The following MTMR9 variants were observed in gnomAD, a reference collection of about 807,000 sequenced individuals.
MTMR9 encodes the protein myotubularin-related protein 9.
Under a neutral mutation model 69.5 loss-of-function variants are expected in MTMR9, and 39 were observed. The ratio of observed to expected loss-of-function variants is 0.56; its 90% CI spans 0.43 to 0.73. MTMR9 has a LOEUF of 0.73. MTMR9 is among the 30% of genes least tolerant of loss of function. The pLI is 0.00. For missense variants in MTMR9, 900 were observed against 671.2 expected (o/e 1.34, Z -3.77); for synonymous variants, 354 against 240.8 (o/e 1.47, Z -4.35).
At chr8:11,299,978 G>A (rs760676124) in intron 2 of MTMR9, 45 bp from the exon 3 acceptor site, 3 of 1,594,108 alleles carry the variant, frequency 1.9e-6, no homozygotes, top group Non-Finnish European at 2.6e-6. Flanking sequence ...TATGTTTCCA[G>A]TTGTGGATGT....
rs147674248 is a variant in MTMR9, at chr8:11,304,885, C to T, written c.462C>T (p.Val154=). 1.9e-6 allele frequency: 3 copies of T among 1,614,002 alleles called. No homozygotes were observed. Among genetic ancestry groups the T allele is most frequent in the African/African-American group, 2.7e-5 (2 of 74,922 alleles). ...RLSYVNKEFA[V]CPSYPPIVTV... Reference sequence around the variant, plus strand: ...GCTATGTCAATAAGGAATTTGCTGTCTGTCCCTCTTACCCACCAATTGTCA... The same window carrying T: ...GCTATGTCAATAAGGAATTTGCTGTTTGTCCCTCTTACCCACCAATTGTCA... Residue 154 remains valine (V), a synonymous_variant, in exon 4 of 10, where the codon GTC becomes GTT. Transcript: ENST00000221086.
chr8:11,329,165 A>G (rs2736265), downstream of MTMR9, among the ~76,000 whole-genome samples: 86,114 of 152,140 alleles, frequency 0.57, 25,036 homozygotes, highest in East Asian at 0.87. Flanking sequence ...AGGCTGAGGC[A>G]GGAGGATCAC....
rs1800869685 is a variant in MTMR9 at position 11,325,080 on chromosome 8, A to G, written c.*2292A>G. 6.6e-6 allele frequency: 1 copy of G among 152,246 alleles called. No individual in the cohort carries two copies. Among genetic ancestry groups the G allele is most frequent in the Non-Finnish European group, 1.5e-5 (1 of 68,050 alleles). 9.4% of individuals were successfully genotyped at this position (152,246 alleles called of 1,614,324 possible). A position where few individuals can be genotyped will look rare whatever the true frequency, so the allele number is the denominator to read the frequency against. On this transcript the variant is annotated 3_prime_UTR_variant, in exon 10 of 10. Coordinates refer to ENST00000221086, the MANE Select transcript of MTMR9 (RefSeq NM_015458.4). ...TTTTCTCTGTCTCACTGAGACAACAATCTATACTGTTTTGGCAAGTTTGCA... is the reference window on the plus strand; with the variant it reads ...TTTTCTCTGTCTCACTGAGACAACAGTCTATACTGTTTTGGCAAGTTTGCA...
At chr8:11,297,817 C>T (rs574137223) in intron 2 of MTMR9, 5 of 454,940 alleles carry the variant, frequency 1.1e-5, no homozygotes, top group South Asian at 6.2e-5. Context: ...CATTTGACCT[C>T]AGAAAATGAA....
chr8:11,331,331 T>C, downstream of MTMR9: 2 of 1,613,980 alleles, frequency 1.2e-6, no homozygotes, highest in South Asian at 2.2e-5. Flanking sequence ...TGCTCATCTG[T>C]CGATGCCTCT....
chr8:11,309,737 G>C (rs1238622330), intron 6 of MTMR9, 49 bp downstream of exon 6: 2 of 1,592,056 alleles, frequency 1.3e-6, no homozygotes, highest in African/African-American at 1.3e-5. Context: ...CTGCTAACTA[G>C]ACTTTGTGTT....
chr8:11,318,282 C>G (rs943025172), intron 8 of MTMR9: 3 of 152,302 alleles, frequency 2.0e-5, no homozygotes, highest in Non-Finnish European at 4.4e-5. Flanking sequence ...CAGTGGTTGG[C>G]CGGCCATGGG....
At chr8:11,289,176 A>G (rs1250171854) in intron 1 of MTMR9, among the ~76,000 whole-genome samples, 2 of 151,966 alleles carry the variant, frequency 1.3e-5, no homozygotes, top group Non-Finnish European at 2.9e-5. Context: ...CTGTCTCAAA[A>G]CAAACAAACA....
chr8:11,299,777 CT>C (rs201610615), intron 2 of MTMR9, among the ~76,000 whole-genome samples: 22 of 151,890 alleles, frequency 1.4e-4, no homozygotes, highest in Admixed American at 7.9e-4. Flanking sequence ...TTTTTTTGTT[CT>C]TTTTTTCATC....
downstream of MTMR9, chr8:11,331,174 C>G (rs757198339): frequency 6.2e-6 from 10 of 1,613,322 alleles, no homozygotes; most frequent in African/African-American, 1.3e-5. Context: ...TCCGCTCCAC[C>G]CAGCCTCCGC....
At chr8:11,303,243 G>A (rs10503420) in intron 3 of MTMR9, among the ~76,000 whole-genome samples, 12,209 of 149,804 alleles carry the variant, frequency 0.081, 654 homozygotes, top group Middle Eastern at 0.22. Flanking sequence ...GGACAAGTGC[G>A]ACGGGATGGA....
At chr8:11,305,833 A>G (rs1799919272) in intron 4 of MTMR9, among the ~76,000 whole-genome samples, 1 of 152,178 alleles carries the variant, frequency 6.6e-6, no homozygotes, top group African/African-American at 2.4e-5. Flanking sequence ...ATGTATGTTT[A>G]GTTGAAGTCA....
chr8:11,290,993 T>C (rs1179458095), intron 1 of MTMR9, among the ~76,000 whole-genome samples: 2 of 152,016 alleles, frequency 1.3e-5, no homozygotes, highest in Non-Finnish European at 2.9e-5. Flanking sequence ...CAAAGGCAGT[T>C]GCAAAAATTG....
chr8:11,300,259 A>T (rs914113026), intron 3 of MTMR9, 111 bp downstream of exon 3: 2 of 1,154,848 alleles, frequency 1.7e-6, no homozygotes, highest in East Asian at 2.5e-5. Flanking sequence ...TGACTTATCC[A>T]TTCCTAATCT....
Position 11,304,842 on chromosome 8 carries a change from C to T in MTMR9, c.419C>T (p.Thr140Ile), listed in dbSNP as rs1230019461. The T allele has an allele frequency of 1.9e-6, 3 of 1,613,084 alleles. No homozygotes were observed. The highest frequency in any genetic ancestry group is 2.5e-6 in the Non-Finnish European group (3 of 1,179,562). ...EQEFELYSSA[T>I]SEWRLSYVNK... ...TTTGAAGTATTTTGTGTTTTTCAGA[C>T]CAGTGAATGGAGGCTAAGCTATGTC... Residue 140 changes from threonine (T) to isoleucine (I), a missense_variant and splice_region_variant, in exon 4 of 10, where the codon ACC becomes ATC. Thr to Ile is a moderately conservative substitution (Grantham distance 89, BLOSUM62 -1). Transcript: ENST00000221086.
At chr8:11,300,945 A>G (rs1008090798) in intron 3 of MTMR9, among the ~76,000 whole-genome samples, 5 of 152,204 alleles carry the variant, frequency 3.3e-5, no homozygotes, top group East Asian at 3.9e-4. Context: ...TTTGCAGGTC[A>G]TGTGGTCTCT....
Position 11,322,768 on chromosome 8 carries a change from G to A in MTMR9, c.1630G>A (p.Gly544Arg), listed in dbSNP as rs756293842. The A allele has an allele frequency of 1.2e-5, 20 of 1,613,814 alleles. No homozygotes were observed. The Middle Eastern group carries it at 4.9e-4, about 40-fold the overall frequency. Residue 544 changes from glycine to arginine, a missense_variant, in exon 10 of 10, where the codon GGG becomes AGG. By Grantham distance (125) the Gly-to-Arg change is moderately radical (BLOSUM62 -2). Transcript: ENST00000221086. The stretch of plus-strand genomic sequence containing the variant: ...GTTGGCAGAACTGGAAACAGAGGAC[G>A]GGATGCAGGAGAGTCCCTGAAAGGT... The part of the protein sequence containing the change: ...RQLAELETED[G>R]MQESP
Position 11,324,052 on chromosome 8 carries a change from AT to A in MTMR9, c.*1265del, listed in dbSNP as rs1800813351. 1 of 152,200 alleles carries A rather than the reference AT, an allele frequency of 6.6e-6. No homozygotes were observed. Among genetic ancestry groups the A allele is most frequent in the Non-Finnish European group, 1.5e-5 (1 of 68,042 alleles). 9.4% of individuals were successfully genotyped at this position (152,200 alleles called of 1,614,324 possible). On this transcript the variant is annotated 3_prime_UTR_variant, in exon 10 of 10. Coordinates refer to ENST00000221086, the MANE Select transcript of MTMR9 (RefSeq NM_015458.4). ...GGTGACATTGCTCATTTTAACAAATATGACCGAGTCTAGTTTTTCTTTAAAA... is the reference window on the plus strand; with the variant it reads ...GGTGACATTGCTCATTTTAACAAATAGACCGAGTCTAGTTTTTCTTTAAAA...
At chr8:11,331,450 T>A (rs1364323705), downstream of MTMR9, 1 of 1,613,878 alleles carries the variant, frequency 6.2e-7, no homozygotes, top group Non-Finnish European at 8.5e-7. Context: ...GTCCTCAGCA[T>A]TGGATGTGCC....
Sources: allele counts gnomAD v4.1 joint callset (sites outside exome capture counted in the v4.1 genomes callset), GRCh38; gene constraint gnomAD v4.1.1; transcripts MANE v1.5; gene names NCBI Gene and HGNC (gene_info 2026-07-23, HGNC 2026-07-21).